The following EGFLAM variants were observed in gnomAD, a reference collection of about 807,000 sequenced individuals.
EGFLAM encodes pikachurin.
A neutral mutation model predicts 113.1 loss-of-function variants in EGFLAM; 79 were observed. That is an observed-to-expected ratio of 0.70 (90% CI 0.58 to 0.84). The LOEUF (loss-of-function observed/expected upper bound fraction) is 0.84. Among genes scored for constraint, EGFLAM ranks in the 40% least tolerant of loss-of-function variants. The probability of loss-of-function intolerance (pLI) is 0.00; values close to 1 mark genes in which losing one functional copy is unlikely to be tolerated. For missense variants in EGFLAM, 1,265 were observed against 1,291.6 expected (o/e 0.98, Z 0.32); for synonymous variants, 504 against 487.6 (o/e 1.03, Z -0.44).
intron 1 of EGFLAM, among the ~76,000 whole-genome samples, chr5:38,285,216 GTGCA>G (rs1403972241): frequency 6.6e-6 from 1 of 152,184 alleles, no homozygotes; most frequent in Non-Finnish European, 1.5e-5. Context: ...TGCAGCCCCA[GTGCA>G]TGATCAAAGT....
chr5:38,445,771 G>C, intron 17 of EGFLAM: 1 of 1,518,314 alleles, frequency 6.6e-7, no homozygotes, highest in South Asian at 1.1e-5. Context: ...CCGCATGCAG[G>C]GGGACCCGGG....
intron 1 of EGFLAM, among the ~76,000 whole-genome samples, chr5:38,277,324 C>T (rs1757908390): frequency 6.6e-6 from 1 of 152,154 alleles, no homozygotes; most frequent in Non-Finnish European, 1.5e-5. Flanking sequence ...GTATGATCAT[C>T]TCAACAAATG....
rs770527595 is a variant in EGFLAM, at chr5:38,388,917, G to GAAAAAAAAAAAAAAA, written c.713-17208_713-17194dup. ...GTGACAGAGCAAGACCCTGTCTCAA[G>GAAAAAAAAAAAAAAA]AAAAAAAAAAAAAAACAAAAAAAAA... On this transcript the variant is annotated intron_variant, in intron 6 of 21. Transcript: ENST00000322350. Among the ~76,000 whole-genome samples the GAAAAAAAAAAAAAAA allele has an allele frequency of 3.3e-5, 2 of 61,066 alleles. 1 individual carries two copies. Among genetic ancestry groups the GAAAAAAAAAAAAAAA allele is most frequent in the African/African-American group, 1.1e-4 (2 of 18,142 alleles). 40.1% of individuals were successfully genotyped at this position (61,066 alleles called of 152,430 possible). A position where few individuals can be genotyped will look rare whatever the true frequency, so the allele number is the denominator to read the frequency against.
intron 6 of EGFLAM, chr5:38,403,670 C>G: frequency 8.6e-7 from 1 of 1,165,062 alleles, no homozygotes; most frequent in Admixed American, 2.5e-5. Context: ...CTACTCAGAA[C>G]TTATGAATTG....
chr5:38,282,994 G>T (rs979942352), intron 1 of EGFLAM, among the ~76,000 whole-genome samples: 1 of 152,114 alleles, frequency 6.6e-6, no homozygotes, highest in African/African-American at 2.4e-5. Flanking sequence ...TGGGACTACA[G>T]GCATGTGCCA....
rs1450708621 is a variant in EGFLAM, at chr5:38,416,638, A to G, written c.1495-1428A>G. ...CCCTACAAGGCACTTTATGCTCTAG[A>G]AAAGGATTGAGCTGTCAGGCCTTCT... On this transcript the variant is annotated intron_variant, in intron 11 of 21. Coordinates refer to ENST00000322350, the MANE Select transcript of EGFLAM (RefSeq NM_152403.4). Among the ~76,000 whole-genome samples the G allele has an allele frequency of 2.6e-5, 4 of 152,218 alleles. No homozygotes were observed. The East Asian group carries it at 5.8e-4, about 22-fold the overall frequency.
intron 1 of EGFLAM, among the ~76,000 whole-genome samples, chr5:38,294,505 G>C (rs1758407025): frequency 6.6e-6 from 1 of 152,100 alleles, no homozygotes; most frequent in East Asian, 1.9e-4. Context: ...CTATAGCCAA[G>C]TGCATATAGT....
At chr5:38,315,921 CA>C (rs1451068096) in intron 1 of EGFLAM, among the ~76,000 whole-genome samples, 4 of 151,890 alleles carry the variant, frequency 2.6e-5, no homozygotes, top group African/African-American at 9.7e-5. Flanking sequence ...ACTAAAAATA[CA>C]AAAAATTAGC....
rs1476669717 is a variant in EGFLAM at position 38,273,007 on chromosome 5, T to TTCATGCAAC, written c.97+14156_97+14157insTCATGCAAC. On this transcript the variant is annotated intron_variant, in intron 1 of 21. Coordinates refer to ENST00000322350, the MANE Select transcript of EGFLAM (RefSeq NM_152403.4). ...CTGCATAAACATCTATTTGAATAAC[T>TTCATGCAAC]ATCCATGCATGAAAATACTTCACAA... is the stretch of plus-strand genomic sequence containing the variant. 1.7e-3 allele frequency among the ~76,000 whole-genome samples: 264 copies of TTCATGCAAC among 152,282 alleles called. 1 individual carries two copies. The highest frequency in any genetic ancestry group is 3.2e-3 in the Non-Finnish European group (219 of 68,014).
intron 5 of EGFLAM, among the ~76,000 whole-genome samples, chr5:38,358,752 C>G (rs965437849): frequency 1.3e-5 from 2 of 152,068 alleles, no homozygotes; most frequent in African/African-American, 2.4e-5. Context: ...CATGATCCCC[C>G]CCAAAGTTGG....
intron 6 of EGFLAM, among the ~76,000 whole-genome samples, chr5:38,397,238 A>T (rs972953650): frequency 6.6e-5 from 10 of 152,216 alleles, no homozygotes; most frequent in Non-Finnish European, 5.9e-5. Context: ...TGCATTCATT[A>T]GACTCATTCA....
chr5:38,259,466 T>C (rs1757447653), intron 1 of EGFLAM, among the ~76,000 whole-genome samples: 1 of 152,238 alleles, frequency 6.6e-6, no homozygotes, highest in Non-Finnish European at 1.5e-5. Context: ...TAACCTGTTA[T>C]AAGGGACTGG....
chr5:38,425,714 C>G (rs1741983076), intron 13 of EGFLAM, among the ~76,000 whole-genome samples: 1 of 152,190 alleles, frequency 6.6e-6, no homozygotes, highest in Non-Finnish European at 1.5e-5. Context: ...GTGGGCTCCT[C>G]TTGGCCCTTG....
Position 38,353,768 on chromosome 5 carries a change from C to T in EGFLAM, c.545+1437C>T, listed in dbSNP as rs77459374. On this transcript the variant is annotated intron_variant, in intron 5 of 21. Coordinates refer to ENST00000322350, the MANE Select transcript of EGFLAM (RefSeq NM_152403.4). ...GTCAATTCAGCAGTCTGACTCCATG[C>T]GCCTCTCTGTTTTAGTGGCTTCATT... Among the ~76,000 whole-genome samples, 506 of 152,326 alleles carry T rather than the reference C, an allele frequency of 3.3e-3. 19 individuals carry two copies. The East Asian group carries it at 0.073, about 22-fold the overall frequency.
intron 5 of EGFLAM, among the ~76,000 whole-genome samples, chr5:38,361,852 G>T: frequency 6.6e-6 from 1 of 151,916 alleles, no homozygotes; most frequent in East Asian, 1.9e-4. Context: ...CAGAAGAGTT[G>T]CAGAGATGAA....
chr5:38,365,060 C>T lies in EGFLAM; in HGVS notation c.546-5236C>T, dbSNP rs550946541. Among the ~76,000 whole-genome samples the T allele has an allele frequency of 7.0e-4, 106 of 152,246 alleles. No homozygotes were observed. The Middle Eastern group carries it at 0.017, about 24-fold the overall frequency. On this transcript the variant is annotated intron_variant, in intron 5 of 21. Transcript: ENST00000322350. Reference sequence around the variant, plus strand: ...TATTCTGGATGTTCTGTTGTATCCCCTAGAGGACAGTTGGCTGCTCCAACA... The same window carrying T: ...TATTCTGGATGTTCTGTTGTATCCCTTAGAGGACAGTTGGCTGCTCCAACA...
chr5:38,339,463 G>A (rs1017524384), intron 3 of EGFLAM, among the ~76,000 whole-genome samples: 1 of 152,160 alleles, frequency 6.6e-6, no homozygotes, highest in East Asian at 1.9e-4. Context: ...TATAATGGTG[G>A]TGGTGGTGCT....
chr5:38,410,006 C>G (rs1741427288), intron 10 of EGFLAM, among the ~76,000 whole-genome samples: 1 of 152,150 alleles, frequency 6.6e-6, no homozygotes, highest in African/African-American at 2.4e-5. Flanking sequence ...GCACCAACCC[C>G]CTGCTGCCTG....
intron 1 of EGFLAM, among the ~76,000 whole-genome samples, chr5:38,285,419 G>A (rs1427160103): frequency 1.3e-5 from 2 of 152,130 alleles, no homozygotes; most frequent in African/African-American, 4.8e-5. Flanking sequence ...TGTCACAACG[G>A]CCTCATTGTA....
Sources: gnomAD v4.1 joint callset for allele counts (sites outside exome capture counted in the v4.1 genomes callset) on GRCh38, gnomAD v4.1.1 for gene constraint, MANE v1.5 for transcripts, NCBI Gene and HGNC (gene_info 2026-07-23, HGNC 2026-07-21) for gene names.